The following SGCZ variants were observed in gnomAD, a reference collection of about 807,000 sequenced individuals.
The protein encoded by SGCZ is sarcoglycan zeta, also known as zeta-sarcoglycan.
In SGCZ, 40 loss-of-function variants were observed where a neutral mutation model predicts 41.3. The observed-to-expected ratio is 0.97, with a 90% CI of 0.75 to 1.26. SGCZ has a LOEUF of 1.26. Among genes scored for constraint, SGCZ ranks in the 50% most tolerant of loss-of-function variants. SGCZ has a pLI of 0.00. For synonymous variants in SGCZ, 206 were observed against 137.5 expected (o/e 1.50, Z -3.49); for missense variants, 552 against 369.8 (o/e 1.49, Z -4.04).
intron 1 of SGCZ, among the ~76,000 whole-genome samples, chr8:15,092,982 A>C (rs1806206542): frequency 6.6e-6 from 1 of 152,232 alleles, no homozygotes; most frequent in South Asian, 2.1e-4. Context: ...TGGCAGCCAC[A>C]TATGACAAAT....
intron 5 of SGCZ, among the ~76,000 whole-genome samples, chr8:14,119,957 A>C (rs549670460): frequency 5.3e-4 from 80 of 152,202 alleles, no homozygotes; most frequent in African/African-American, 1.9e-3. Context: ...TGCTAGATTC[A>C]GTTTGGTAGT....
At chr8:14,464,484 G>GT (rs1455016555) in intron 2 of SGCZ, among the ~76,000 whole-genome samples, 24 of 119,662 alleles carry the variant, frequency 2.0e-4, no homozygotes, top group African/African-American at 7.1e-4. Context: ...AATTTGAGTG[G>GT]TATTTTTTTT....
At chr8:14,678,993 C>T (rs1310052167) in intron 1 of SGCZ, among the ~76,000 whole-genome samples, 1 of 152,158 alleles carries the variant, frequency 6.6e-6, no homozygotes, top group Non-Finnish European at 1.5e-5. Context: ...GGACAGACAG[C>T]ACGTATGATA....
chr8:15,047,431 C>T (rs967729428), intron 1 of SGCZ, among the ~76,000 whole-genome samples: 7 of 151,996 alleles, frequency 4.6e-5, no homozygotes, highest in African/African-American at 1.7e-4. Flanking sequence ...CATATAAATG[C>T]AGTCATACAG....
At chr8:15,211,889 T>C (rs558679906) in intron 1 of SGCZ, among the ~76,000 whole-genome samples, 4 of 152,248 alleles carry the variant, frequency 2.6e-5, no homozygotes, top group African/African-American at 9.6e-5. Context: ...ATGTCTTTGA[T>C]TAGGGTTCAC....
At chr8:14,687,480 T>G (rs1808651419) in intron 1 of SGCZ, among the ~76,000 whole-genome samples, 1 of 151,840 alleles carries the variant, frequency 6.6e-6, no homozygotes, top group East Asian at 1.9e-4. Context: ...TTACTGAGAA[T>G]GATGATTTCC....
intron 2 of SGCZ, among the ~76,000 whole-genome samples, chr8:14,543,881 T>G (rs544724117): frequency 1.3e-5 from 2 of 152,248 alleles, no homozygotes; most frequent in South Asian, 4.1e-4. Context: ...TGTGCCTGAT[T>G]TGATTACAGA....
intron 1 of SGCZ, among the ~76,000 whole-genome samples, chr8:15,031,331 A>T (rs917089819): frequency 5.9e-5 from 9 of 152,130 alleles, no homozygotes; most frequent in African/African-American, 2.2e-4. Flanking sequence ...TGAGGTAAAG[A>T]GTGGTGTATT....
intron 1 of SGCZ, among the ~76,000 whole-genome samples, chr8:15,194,881 T>G (rs1054056631): frequency 3.9e-5 from 6 of 152,240 alleles, no homozygotes; most frequent in African/African-American, 1.4e-4. Context: ...TTTTAAGCAG[T>G]TAAGTTTGTG....
At position 14,157,355 on chromosome 8, in the gene SGCZ, T is replaced by A. The variant is rs975852376; in HGVS notation, c.547+7225A>T. ...ATGCCTCTGTGTGTGTGTGTGTGTGTGTGTGTGTGAGTGTGTGTGTGTGTG... is the reference window on the plus strand; with the variant it reads ...ATGCCTCTGTGTGTGTGTGTGTGTGAGTGTGTGTGAGTGTGTGTGTGTGTG... On this transcript the variant is annotated intron_variant, in intron 5 of 7. Transcript: ENST00000382080. 1.6e-4 allele frequency among the ~76,000 whole-genome samples: 21 copies of A among 132,678 alleles called. No homozygotes were observed. In the East Asian group the frequency reaches 1.8e-3, roughly 12 times the overall value. The allele number at this position is 132,678 out of a possible 152,430, so 87.0% of individuals were successfully genotyped here.
At chr8:14,615,918 C>A (rs1161025746) in intron 1 of SGCZ, among the ~76,000 whole-genome samples, 2 of 152,124 alleles carry the variant, frequency 1.3e-5, no homozygotes, top group African/African-American at 4.8e-5. Context: ...TACTCTATTA[C>A]ACTTAGAATA....
At chr8:14,354,247 T>C (rs76016430) in intron 2 of SGCZ, among the ~76,000 whole-genome samples, 2,257 of 152,096 alleles carry the variant, frequency 0.015, 69 homozygotes, top group African/African-American at 0.05. Flanking sequence ...TTAATAAATA[T>C]TCATTGAATG....
intron 1 of SGCZ, among the ~76,000 whole-genome samples, chr8:14,934,924 G>A (rs921000316): frequency 2.1e-5 from 3 of 139,696 alleles, no homozygotes; most frequent in Non-Finnish European, 4.6e-5. Flanking sequence ...TCCCAGTACT[G>A]AAAAAAAAAT....
intron 3 of SGCZ, among the ~76,000 whole-genome samples, chr8:14,310,041 A>T (rs1801480817): frequency 6.6e-6 from 1 of 151,996 alleles, no homozygotes; most frequent in South Asian, 2.1e-4. Flanking sequence ...CTTTACAGGA[A>T]AAAAAAATTC....
At chr8:14,702,921 G>GTAGGTAGATAGATAGATAGATAGATAGA (rs2117603892) in intron 1 of SGCZ, among the ~76,000 whole-genome samples, 1 of 127,990 alleles carries the variant, frequency 7.8e-6, no homozygotes, top group South Asian at 2.8e-4. Context: ...AGGTAGTTAG[G>GTAGGTAGATAGATAGATAGATAGATAGA]TAGGTAGATA....
chr8:14,982,786 G>A (rs973313554), intron 1 of SGCZ, among the ~76,000 whole-genome samples: 3 of 152,138 alleles, frequency 2.0e-5, no homozygotes, highest in African/African-American at 7.2e-5. Flanking sequence ...ATTCAGGGGT[G>A]GGTGACGATA....
Position 15,174,578 on chromosome 8 carries a change from T to C in SGCZ, c.39+63007A>G, listed in dbSNP as rs573805035. On this transcript the variant is annotated intron_variant, in intron 1 of 7. Transcript: ENST00000382080. Reference sequence around the variant, plus strand: ...AAGAATTTCTCTCAGAATTTTTGAGTTGAAGTCAATGTTTAACTTTACAAG... The same window carrying C: ...AAGAATTTCTCTCAGAATTTTTGAGCTGAAGTCAATGTTTAACTTTACAAG... Among the ~76,000 whole-genome samples the C allele has an allele frequency of 2.0e-5, 3 of 152,306 alleles. No homozygotes were observed. In the South Asian group the frequency reaches 6.2e-4, roughly 32 times the overall value.
chr8:14,822,757 A>G (rs1802150923), intron 1 of SGCZ, among the ~76,000 whole-genome samples: 1 of 152,164 alleles, frequency 6.6e-6, no homozygotes, highest in Non-Finnish European at 1.5e-5. Context: ...TGCTGGAAAA[A>G]AAAAAGATAT....
At chr8:14,450,484 G>C (rs1356054949) in intron 2 of SGCZ, among the ~76,000 whole-genome samples, 2 of 152,148 alleles carry the variant, frequency 1.3e-5, no homozygotes, top group Non-Finnish European at 1.5e-5. Context: ...CTGTGTTGAA[G>C]TACAGTCATA....
Sources: allele counts gnomAD v4.1 joint callset (sites outside exome capture counted in the v4.1 genomes callset), GRCh38; gene constraint gnomAD v4.1.1; transcripts MANE v1.5; gene names NCBI Gene and HGNC (gene_info 2026-07-23, HGNC 2026-07-21).